AFF2: variants seen among roughly 807,000 people sequenced by gnomAD.
AFF2 encodes the protein AF4/FMR2 family member 2.
Under a neutral mutation model 76.9 loss-of-function variants are expected in AFF2, and 14 were observed. That is an observed-to-expected ratio of 0.18 (90% CI 0.12 to 0.28). The LOEUF is 0.28. Ranked by LOEUF, AFF2 falls within the 10% of genes least tolerant of loss-of-function variation. The probability of loss-of-function intolerance (pLI) is 1.00; values close to 1 mark genes in which losing one functional copy is unlikely to be tolerated. For synonymous variants in AFF2, 398 were observed against 366.7 expected, an observed-to-expected ratio of 1.09 and a Z score of -0.98; for missense variants, 868 against 1,001.1, an observed-to-expected ratio of 0.87 and a Z score of 1.79.
intron 1 of AFF2, among the ~76,000 whole-genome samples, chrX:148,540,838 G>C (rs1369582111): frequency 8.9e-6 from 1 of 112,201 alleles, no homozygotes; most frequent in Non-Finnish European, 1.9e-5. Context: ...GTTACATCCA[G>C]TATAAAGCTG....
At chrX:148,509,158 T>C (rs1557232841) in intron 1 of AFF2, among the ~76,000 whole-genome samples, 1 of 111,707 alleles carries the variant, frequency 9.0e-6, no homozygotes, top group Non-Finnish European at 1.9e-5. Flanking sequence ...GAAAGTATAA[T>C]TAGAATTAGG....
In AFF2 at chrX:148,662,333, A is replaced by G. The variant is rs1473600596; in HGVS notation, c.606A>G (p.Glu202=). The change falls in exon 3 of 21, where the codon GAA becomes GAG. Residue 202 remains glutamate (E), a synonymous_variant. Coordinates refer to ENST00000370460, the MANE Select transcript of AFF2 (RefSeq NM_002025.4). ...KLEDFFVYPA[E]QPQIGEVEES... ...AAGACTTCTTTGTCTACCCAGCTGA[A>G]CAGCCCCAGATTGGAGAAGTTGAAG... 1 of 1,210,316 alleles carries G rather than the reference A, an allele frequency of 8.3e-7. No individual in the cohort carries two copies. The highest frequency in any genetic ancestry group is 1.7e-5 in the African/African-American group (1 of 57,251).
chrX:148,658,375 T>C (rs998694025), intron 2 of AFF2, among the ~76,000 whole-genome samples: 2 of 111,913 alleles, frequency 1.8e-5, no homozygotes, highest in African/African-American at 3.3e-5. Context: ...TCTGAGACAA[T>C]TGCTCTATGA....
intron 1 of AFF2, among the ~76,000 whole-genome samples, chrX:148,598,903 TATTTC>T (rs1246257407): frequency 6.2e-5 from 7 of 112,904 alleles, no homozygotes; most frequent in Non-Finnish European, 1.3e-4. Context: ...CAATCAGATT[TATTTC>T]ATTTCATGTT....
chrX:148,613,964 G>A (rs1020201392), intron 1 of AFF2, among the ~76,000 whole-genome samples: 8 of 111,945 alleles, frequency 7.1e-5, no homozygotes, highest in Admixed American at 1.9e-4. Flanking sequence ...CTTTGGCACC[G>A]GTTCATTAAA....
chrX:148,510,282 C>T lies in AFF2; in HGVS notation c.47+9138C>T, dbSNP rs1184801555. 1.6e-4 allele frequency among the ~76,000 whole-genome samples: 18 copies of T among 111,750 alleles called. No individual in the cohort carries two copies. The Admixed American group carries it at 1.7e-3, about 11-fold the overall frequency. On this transcript the variant is annotated intron_variant, in intron 1 of 20. Coordinates refer to ENST00000370460, the MANE Select transcript of AFF2 (RefSeq NM_002025.4). ...TAGTAATAATTTAAGCTAATAATTA[C>T]AGGTAACATTTCCTATGTTACAGGT...
intron 7 of AFF2, among the ~76,000 whole-genome samples, chrX:148,874,939 T>C (rs1483140472): frequency 8.9e-6 from 1 of 112,172 alleles, no homozygotes; most frequent in South Asian, 3.7e-4. Flanking sequence ...AATGTAATTG[T>C]GCCATGTGCT....
At chrX:148,718,166 T>C (rs1326900954) in intron 3 of AFF2, among the ~76,000 whole-genome samples, 1 of 111,237 alleles carries the variant, frequency 9.0e-6, no homozygotes, top group African/African-American at 3.3e-5. Flanking sequence ...TGAATCTCTA[T>C]GTGAGAATAA....
chrX:148,814,585 A>C (rs1426374740), intron 4 of AFF2, among the ~76,000 whole-genome samples: 4 of 111,728 alleles, frequency 3.6e-5, no homozygotes, highest in African/African-American at 1.3e-4. Context: ...TTGATTTGAT[A>C]AACTGTATCT....
In AFF2 at chrX:148,623,990, ATTT is replaced by A. The variant is rs1175698733; in HGVS notation, c.48-28008_48-28006del. Reference sequence around the variant, plus strand: ...TTCAGATAGTGATTTTGTCACTGCAATTTGACAAAAACTACACATCTAATTTAA... The same window carrying A: ...TTCAGATAGTGATTTTGTCACTGCAAGACAAAAACTACACATCTAATTTAA... On this transcript the variant is annotated intron_variant, in intron 1 of 20. Transcript: ENST00000370460. Among the ~76,000 whole-genome samples the A allele has an allele frequency of 3.6e-5, 4 of 111,909 alleles. No homozygotes were observed. The East Asian group carries it at 8.4e-4, about 24-fold the overall frequency.
At chrX:148,794,697 T>A (rs1344463509) in intron 3 of AFF2, among the ~76,000 whole-genome samples, 1 of 111,795 alleles carries the variant, frequency 8.9e-6, no homozygotes. Flanking sequence ...TTGATGTTGA[T>A]GGTCAGCTTG....
At chrX:148,762,466 G>A (rs2069461988) in intron 3 of AFF2, among the ~76,000 whole-genome samples, 1 of 65,476 alleles carries the variant, frequency 1.5e-5, no homozygotes, top group South Asian at 1.0e-3. Context: ...TATATTATGT[G>A]TGTACATATG....
At position 148,839,603 on chromosome X, in the gene AFF2, C is replaced by T. The variant is rs184563030; in HGVS notation, c.1173+1870C>T. ...TACTGTCTCTCTGTATATCTTTTAT[C>T]ACACAGGCCCACTGATGCCCCAGTT... On this transcript the variant is annotated intron_variant, in intron 5 of 20. Transcript: ENST00000370460. Among the ~76,000 whole-genome samples, 156 of 111,604 alleles carry T rather than the reference C, an allele frequency of 1.4e-3. 1 individual carries two copies. In the East Asian group the frequency reaches 0.034, roughly 25 times the overall value.
intron 18 of AFF2, among the ~76,000 whole-genome samples, chrX:148,979,831 C>T (rs913729325): frequency 8.9e-6 from 1 of 112,296 alleles, no homozygotes; most frequent in African/African-American, 3.2e-5. Flanking sequence ...AGAAGTATTC[C>T]GTTCTCACTG....
chrX:148,902,926 A>G (rs1253690786), intron 8 of AFF2, among the ~76,000 whole-genome samples: 1 of 111,414 alleles, frequency 9.0e-6, no homozygotes, highest in African/African-American at 3.3e-5. Flanking sequence ...CAGCACTAAC[A>G]TCTAAAATTT....
chrX:148,624,542 A>G (rs1293329679), intron 1 of AFF2, among the ~76,000 whole-genome samples: 3 of 112,372 alleles, frequency 2.7e-5, no homozygotes, highest in Non-Finnish European at 5.6e-5. Context: ...ATGTATAGAT[A>G]TACTTCTTAT....
At chrX:148,973,252 G>C (rs1422992397) in intron 15 of AFF2, among the ~76,000 whole-genome samples, 4 of 111,564 alleles carry the variant, frequency 3.6e-5, no homozygotes, top group Non-Finnish European at 5.6e-5. Context: ...ATTCTCTATT[G>C]TGGGAGCTAT....
At chrX:148,644,890 GA>G (rs781890634) in intron 1 of AFF2, among the ~76,000 whole-genome samples, 7 of 112,057 alleles carry the variant, frequency 6.2e-5, no homozygotes, top group Non-Finnish European at 1.1e-4. Context: ...TGAGCCTGGA[GA>G]TTTATAAAAT....
At chrX:148,557,797 G>A (rs2053068095) in intron 1 of AFF2, among the ~76,000 whole-genome samples, 1 of 112,315 alleles carries the variant, frequency 8.9e-6, no homozygotes, top group South Asian at 3.7e-4. Flanking sequence ...CTAATAGTTG[G>A]CATTTTATTG....
Sources: allele counts gnomAD v4.1 joint callset (sites outside exome capture counted in the v4.1 genomes callset), GRCh38; gene constraint gnomAD v4.1.1; transcripts MANE v1.5; gene names NCBI Gene and HGNC (gene_info 2026-07-23, HGNC 2026-07-21).